The following GRID2 variants were observed in gnomAD, a reference collection of about 807,000 sequenced individuals.
GRID2 encodes the protein glutamate receptor ionotropic, delta-2.
GRID2 carries 33 observed loss-of-function variants against 114.8 expected under a neutral mutation model. The ratio of observed to expected loss-of-function variants is 0.29; its 90% CI spans 0.22 to 0.38. The LOEUF (loss-of-function observed/expected upper bound fraction) is 0.38. Ranked by LOEUF, GRID2 falls within the 10% of genes least tolerant of loss-of-function variation. The pLI is 1.00. For synonymous variants in GRID2, 505 were observed against 449.9 expected, an observed-to-expected ratio of 1.12 and a Z score of -1.55; for missense variants, 1,184 against 1,257.7, an observed-to-expected ratio of 0.94 and a Z score of 0.89.
At chr4:93,708,913 A>G (rs1728240960) in intron 14 of GRID2, among the ~76,000 whole-genome samples, 1 of 152,076 alleles carries the variant, frequency 6.6e-6, no homozygotes, top group African/African-American at 2.4e-5. Context: ...AACATCTTAT[A>G]ACCCATTATT....
intron 4 of GRID2, among the ~76,000 whole-genome samples, 198 bp from the exon 5 acceptor site, chr4:93,207,206 G>A (rs936504092): frequency 5.9e-5 from 9 of 152,054 alleles, no homozygotes; most frequent in South Asian, 2.1e-4. Context: ...TAATTAGCAA[G>A]TCTACAGTGC....
chr4:93,699,104 G>T (rs1379505185), intron 14 of GRID2, among the ~76,000 whole-genome samples: 1 of 152,024 alleles, frequency 6.6e-6, no homozygotes, highest in Non-Finnish European at 1.5e-5. Context: ...TGTTATAATT[G>T]TTATTTATTA....
At chr4:92,647,060 T>G (rs1047114875) in intron 2 of GRID2, among the ~76,000 whole-genome samples, 2 of 152,216 alleles carry the variant, frequency 1.3e-5, no homozygotes, top group African/African-American at 4.8e-5. Context: ...CAATGATCGG[T>G]TAGAGTGGGA....
intron 8 of GRID2, among the ~76,000 whole-genome samples, chr4:93,311,876 T>C (rs933297121): frequency 6.6e-6 from 1 of 152,126 alleles, no homozygotes; most frequent in Non-Finnish European, 1.5e-5. Flanking sequence ...TTGGTGATGT[T>C]ATTGAGGCAA....
intron 14 of GRID2, among the ~76,000 whole-genome samples, chr4:93,646,609 A>C (rs1722136955): frequency 6.6e-6 from 1 of 152,158 alleles, no homozygotes; most frequent in African/African-American, 2.4e-5. Context: ...AAAGTAGAGA[A>C]AGATATATGG....
chr4:92,799,255 G>A (rs1037867545), intron 2 of GRID2, among the ~76,000 whole-genome samples: 1 of 151,872 alleles, frequency 6.6e-6, no homozygotes, highest in African/African-American at 2.4e-5. Flanking sequence ...TCCTTCTCAT[G>A]CACAGTTTGC....
intron 2 of GRID2, among the ~76,000 whole-genome samples, chr4:93,080,321 A>G: frequency 6.6e-6 from 1 of 152,236 alleles, no homozygotes; most frequent in East Asian, 1.9e-4. Context: ...ATACACAAGT[A>G]GTGAAGTTCC....
intron 2 of GRID2, among the ~76,000 whole-genome samples, chr4:92,873,838 C>T (rs1175860380): frequency 6.6e-6 from 1 of 152,060 alleles, no homozygotes; most frequent in African/African-American, 2.4e-5. Context: ...CCTCAGCTAC[C>T]CGAGTAGCTG....
chr4:93,150,846 G>A (rs1736666216), intron 4 of GRID2, among the ~76,000 whole-genome samples: 1 of 151,992 alleles, frequency 6.6e-6, no homozygotes. Flanking sequence ...ACAGTCAGAG[G>A]TCGGGCGCGG....
At chr4:93,024,864 T>C (rs1177922507) in intron 2 of GRID2, among the ~76,000 whole-genome samples, 1 of 151,696 alleles carries the variant, frequency 6.6e-6, no homozygotes, top group Non-Finnish European at 1.5e-5. Flanking sequence ...GGAGATTAAA[T>C]AACCTATATT....
chr4:92,511,892 A>G (rs1724269188), intron 1 of GRID2, among the ~76,000 whole-genome samples: 1 of 151,822 alleles, frequency 6.6e-6, no homozygotes, highest in Admixed American at 6.6e-5. Flanking sequence ...TTTGTGCAGC[A>G]ATCACTACCA....
intron 8 of GRID2, among the ~76,000 whole-genome samples, chr4:93,299,147 T>C (rs1754604018): frequency 6.6e-6 from 1 of 152,186 alleles, no homozygotes; most frequent in Non-Finnish European, 1.5e-5. Context: ...TTCATTTAGG[T>C]TCTGTACCTG....
chr4:93,657,028 A>G (rs970687248), intron 14 of GRID2, among the ~76,000 whole-genome samples: 4 of 151,860 alleles, frequency 2.6e-5, no homozygotes, highest in Admixed American at 2.6e-4. Context: ...AAAGGTGTCA[A>G]TGTGTTATCA....
In GRID2 at chr4:93,026,806, T is replaced by G. The variant is rs190198580; in HGVS notation, c.245-58189T>G. Among the ~76,000 whole-genome samples, 285 of 152,086 alleles carry G rather than the reference T, an allele frequency of 1.9e-3. 4 individuals are homozygous for G. The highest frequency in any genetic ancestry group is 4.3e-4 in the Non-Finnish European group (29 of 67,898). ...GACTACTCACTAAGAACAAATGAAA[T>G]GCAAATATCATTCATTTATAATTTA... is the stretch of plus-strand genomic sequence containing the variant. On this transcript the variant is annotated intron_variant, in intron 2 of 15. Coordinates refer to ENST00000282020, the MANE Select transcript of GRID2 (RefSeq NM_001510.4).
chr4:93,191,681 A>G (rs1421045652), intron 4 of GRID2, among the ~76,000 whole-genome samples: 1 of 152,046 alleles, frequency 6.6e-6, no homozygotes, highest in Non-Finnish European at 1.5e-5. Flanking sequence ...TGTCACATCA[A>G]GATTTGTCTA....
intron 1 of GRID2, among the ~76,000 whole-genome samples, chr4:92,412,941 T>C (rs1731412024): frequency 6.6e-6 from 1 of 152,214 alleles, no homozygotes; most frequent in Non-Finnish European, 1.5e-5. Context: ...CAAGGGAGCA[T>C]TCCTTTGTGT....
At chr4:92,459,353 A>G (rs1357811405) in intron 1 of GRID2, among the ~76,000 whole-genome samples, 1 of 152,242 alleles carries the variant, frequency 6.6e-6, no homozygotes, top group Non-Finnish European at 1.5e-5. Flanking sequence ...GAAGTGTATT[A>G]TATACTAGCG....
chr4:93,022,674 T>A (rs1723492828), intron 2 of GRID2, among the ~76,000 whole-genome samples: 1 of 152,008 alleles, frequency 6.6e-6, no homozygotes, highest in East Asian at 1.9e-4. Flanking sequence ...TAATAGATTT[T>A]AAAATTTTAA....
intron 2 of GRID2, among the ~76,000 whole-genome samples, chr4:92,988,865 G>A (rs1183108300): frequency 6.6e-6 from 1 of 152,130 alleles, no homozygotes; most frequent in East Asian, 1.9e-4. Flanking sequence ...AAGAGAAAAT[G>A]GCATAACTGA....
Sources: allele counts gnomAD v4.1 joint callset (sites outside exome capture counted in the v4.1 genomes callset), GRCh38; gene constraint gnomAD v4.1.1; transcripts MANE v1.5; gene names NCBI Gene and HGNC (gene_info 2026-07-23, HGNC 2026-07-21).